CNBD1: variants seen among roughly 807,000 people sequenced by gnomAD.
The protein encoded by CNBD1 is cyclic nucleotide binding domain containing 1, also known as cyclic nucleotide-binding domain-containing protein 1.
Under a neutral mutation model 54.4 loss-of-function variants are expected in CNBD1, and 71 were observed. The observed-to-expected ratio is 1.30, with a 90% CI of 1.08 to 1.59. The LOEUF is 1.59. CNBD1 is among the 40% of genes most tolerant of loss of function. The pLI is 0.00. For missense variants in CNBD1, 659 were observed against 518.0 expected, an observed-to-expected ratio of 1.27 and a Z score of -2.64; for synonymous variants, 182 against 170.7, an observed-to-expected ratio of 1.07 and a Z score of -0.51.
At chr8:87,087,232 CACATATATATATACGTATATATATATAT>C (rs1240323829) in intron 4 of CNBD1, among the ~76,000 whole-genome samples, 1,492 of 141,470 alleles carry the variant, frequency 0.011, 18 homozygotes, top group African/African-American at 0.031. Context: ...TACACACACA[CACATATATATATACGTATATATATATAT>C]ACATATATAT....
intron 2 of CNBD1, among the ~76,000 whole-genome samples, chr8:87,421,327 G>A (rs961574546): frequency 1.3e-5 from 2 of 150,850 alleles, no homozygotes; most frequent in Middle Eastern, 3.2e-3. Context: ...ACATTGTGCA[G>A]GTTAGTTACA....
chr8:86,987,432 G>C (rs1563848696), intron 4 of CNBD1, among the ~76,000 whole-genome samples: 1 of 152,110 alleles, frequency 6.6e-6, no homozygotes, highest in East Asian at 1.9e-4. Context: ...TGTAGGTATA[G>C]AATCATAATG....
intron 2 of CNBD1, among the ~76,000 whole-genome samples, chr8:87,396,382 T>G (rs961689752): frequency 4.6e-5 from 7 of 151,892 alleles, no homozygotes; most frequent in African/African-American, 1.7e-4. Context: ...AAATGTTACC[T>G]CCTGTCACTG....
intron 10 of CNBD1, among the ~76,000 whole-genome samples, chr8:87,373,540 T>G (rs1032229182): frequency 6.6e-6 from 1 of 151,836 alleles, no homozygotes; most frequent in Admixed American, 6.6e-5. Flanking sequence ...ATGTAACTTG[T>G]TTTTCAGCAA....
At chr8:87,341,768 C>G (rs1033414422) in intron 8 of CNBD1, among the ~76,000 whole-genome samples, 3 of 152,208 alleles carry the variant, frequency 2.0e-5, no homozygotes, top group African/African-American at 7.2e-5. Flanking sequence ...AAGTAGAGAG[C>G]AAAACCTTAC....
intron 9 of CNBD1, among the ~76,000 whole-genome samples, chr8:87,353,089 G>A (rs1810340237): frequency 2.6e-5 from 4 of 152,022 alleles, no homozygotes; most frequent in African/African-American, 9.7e-5. Flanking sequence ...TTCTCCACAA[G>A]GTCTCTTATT....
rs866264321 is a variant in CNBD1, at chr8:86,940,158, G to C, written c.431+404G>C. On this transcript the variant is annotated intron_variant, in intron 4 of 10. Coordinates refer to ENST00000518476, the MANE Select transcript of CNBD1 (RefSeq NM_173538.3). ...TTTTTTTTTTTTTTTTTTTGAGACT[G>C]TTGCTCTTGTGCCCCAGGCTGGAGT... 6.8e-5 allele frequency among the ~76,000 whole-genome samples: 8 copies of C among 117,956 alleles called. 1 individual carries two copies. Among genetic ancestry groups the C allele is most frequent in the Admixed American group, 1.9e-4 (2 of 10,534 alleles). The allele number at this position is 117,956 out of a possible 152,430, so 77.4% of individuals were successfully genotyped here.
In CNBD1 at chr8:87,349,673, C is replaced by A. The variant is rs183998618; in HGVS notation, c.1043-2012C>A. ...TACAGGCGTGAGCCACCGCGCCTGA[C>A]CAGAATATATGATTTTTATATGTAT... On this transcript the variant is annotated intron_variant, in intron 8 of 10. Transcript: ENST00000518476. 3.9e-3 allele frequency among the ~76,000 whole-genome samples: 588 copies of A among 152,274 alleles called. 8 individuals carry two copies. Among genetic ancestry groups the A allele is most frequent in the African/African-American group, 0.013 (555 of 41,532 alleles).
At chr8:87,349,686 T>C (rs1196987093) in intron 8 of CNBD1, among the ~76,000 whole-genome samples, 1 of 152,204 alleles carries the variant, frequency 6.6e-6, no homozygotes, top group Non-Finnish European at 1.5e-5. Flanking sequence ...GAATATATGA[T>C]TTTTATATGT....
intron 4 of CNBD1, among the ~76,000 whole-genome samples, chr8:87,012,139 T>A (rs1447730321): frequency 2.0e-5 from 3 of 152,178 alleles, no homozygotes; most frequent in Non-Finnish European, 4.4e-5. Context: ...CACTGAAAAA[T>A]GGCTTCTTTA....
At chr8:87,315,317 G>T (rs1485890800) in intron 8 of CNBD1, among the ~76,000 whole-genome samples, 1 of 151,954 alleles carries the variant, frequency 6.6e-6, no homozygotes, top group Non-Finnish European at 1.5e-5. Flanking sequence ...CTTACCTCTG[G>T]TATCTCTGTT....
intron 2 of CNBD1, among the ~76,000 whole-genome samples, chr8:87,389,918 G>C (rs1424852118): frequency 2.6e-5 from 4 of 152,070 alleles, no homozygotes; most frequent in Non-Finnish European, 5.9e-5. Flanking sequence ...CAATGGAACA[G>C]AACAGAGCCC....
At chr8:87,043,214 C>G (rs1356994133) in intron 4 of CNBD1, among the ~76,000 whole-genome samples, 1 of 152,140 alleles carries the variant, frequency 6.6e-6, no homozygotes, top group Non-Finnish European at 1.5e-5. Flanking sequence ...AGGTTGTTTG[C>G]AATTAGCCTT....
chr8:87,271,401 TA>T (rs1440034534), intron 6 of CNBD1, among the ~76,000 whole-genome samples: 1 of 152,014 alleles, frequency 6.6e-6, no homozygotes. Flanking sequence ...ACTTATCTCT[TA>T]ATACTGCTTT....
chr8:87,203,615 T>G (rs1404520922), intron 4 of CNBD1, among the ~76,000 whole-genome samples: 1 of 152,162 alleles, frequency 6.6e-6, no homozygotes, highest in Non-Finnish European at 1.5e-5. Flanking sequence ...CCAACTACTA[T>G]GCATACCCTT....
intron 2 of CNBD1, among the ~76,000 whole-genome samples, chr8:87,388,056 A>G (rs1286933867): frequency 2.0e-5 from 3 of 152,196 alleles, no homozygotes. Context: ...TTTGAAACAA[A>G]CGAGAACAAG....
chr8:87,146,893 T>C (rs911498860), intron 4 of CNBD1, among the ~76,000 whole-genome samples: 12 of 152,178 alleles, frequency 7.9e-5, no homozygotes, highest in African/African-American at 2.4e-4. Context: ...TATATATGTA[T>C]CTATGATTTA....
rs1410718271 is a variant in CNBD1, at chr8:87,280,929, C to A, written c.772-3749C>A. ...CCATCTGTGCAACTCTACCAACTATCCCCACCAGAAGAGGATTATCTATGT... is the reference window on the plus strand; with the variant it reads ...CCATCTGTGCAACTCTACCAACTATACCCACCAGAAGAGGATTATCTATGT... On this transcript the variant is annotated intron_variant, in intron 6 of 10. Coordinates refer to ENST00000518476, the MANE Select transcript of CNBD1 (RefSeq NM_173538.3). Among the ~76,000 whole-genome samples, 4 of 151,454 alleles carry A rather than the reference C, an allele frequency of 2.6e-5. 1 individual carries two copies. The highest frequency in any genetic ancestry group is 5.9e-5 in the Non-Finnish European group (4 of 67,636).
intron 5 of CNBD1, among the ~76,000 whole-genome samples, chr8:87,234,003 G>A (rs545653766): frequency 6.6e-6 from 1 of 152,246 alleles, no homozygotes; most frequent in Non-Finnish European, 1.5e-5. Context: ...CTCATTAGAA[G>A]TAGATTTCAT....
Sources: gnomAD v4.1 joint callset for allele counts (sites outside exome capture counted in the v4.1 genomes callset) on GRCh38, gnomAD v4.1.1 for gene constraint, MANE v1.5 for transcripts, NCBI Gene and HGNC (gene_info 2026-07-23, HGNC 2026-07-21) for gene names.